CCDC102B: variants seen among roughly 807,000 people sequenced by gnomAD.
CCDC102B encodes coiled-coil domain-containing protein 102B.
In CCDC102B, 75 loss-of-function variants were observed where a neutral mutation model predicts 57.4. The observed-to-expected ratio is 1.31, with a 90% CI of 1.08 to 1.58. CCDC102B has a LOEUF of 1.58. CCDC102B is among the 40% of genes most tolerant of loss of function. The pLI is 0.00. For missense variants in CCDC102B, 636 were observed against 582.6 expected, an observed-to-expected ratio of 1.09 and a Z score of -0.94; for synonymous variants, 206 against 201.9, an observed-to-expected ratio of 1.02 and a Z score of -0.17.
At chr18:68,826,245 G>A (rs907340442) in intron 1 of CCDC102B, among the ~76,000 whole-genome samples, 2 of 152,206 alleles carry the variant, frequency 1.3e-5, no homozygotes, top group Admixed American at 6.5e-5. Context: ...CAGGGAAGGC[G>A]TCAGCCAGAT....
At chr18:69,007,745 A>G (rs1011127551) in intron 6 of CCDC102B, among the ~76,000 whole-genome samples, 3 of 152,232 alleles carry the variant, frequency 2.0e-5, no homozygotes, top group Admixed American at 2.0e-4. Context: ...AGGCCTGAGA[A>G]TAAGTTGATA....
At chr18:68,956,484 A>AAT (rs1236353893) in intron 6 of CCDC102B, among the ~76,000 whole-genome samples, 3 of 47,048 alleles carry the variant, frequency 6.4e-5, no homozygotes, top group South Asian at 6.3e-4. Flanking sequence ...ATATATATAT[A>AAT]ATATATATAT....
chr18:68,720,309 A>G (rs1445224733), intron 2 of CCDC102B, among the ~76,000 whole-genome samples: 1 of 152,224 alleles, frequency 6.6e-6, no homozygotes, highest in East Asian at 1.9e-4. Context: ...TGGATCAAGG[A>G]ATTTTCAGGT....
At chr18:68,964,267 G>C (rs905646370) in intron 6 of CCDC102B, among the ~76,000 whole-genome samples, 16 of 151,772 alleles carry the variant, frequency 1.1e-4, no homozygotes, top group African/African-American at 3.9e-4. Flanking sequence ...TGATCATTTT[G>C]TCACTCAGCC....
chr18:68,811,021 C>T (rs1340551615), intron 1 of CCDC102B, among the ~76,000 whole-genome samples: 1 of 152,128 alleles, frequency 6.6e-6, no homozygotes, highest in Non-Finnish European at 1.5e-5. Flanking sequence ...CTGTAAAGGA[C>T]ATGAACTCAA....
At chr18:68,941,802 A>G (rs2049387365) in intron 6 of CCDC102B, among the ~76,000 whole-genome samples, 1 of 152,142 alleles carries the variant, frequency 6.6e-6, no homozygotes, top group Non-Finnish European at 1.5e-5. Context: ...AATCCAGTAT[A>G]ACAAAAATAA....
chr18:68,820,151 A>G (rs2036637732), intron 1 of CCDC102B, among the ~76,000 whole-genome samples: 1 of 152,082 alleles, frequency 6.6e-6, no homozygotes, highest in Non-Finnish European at 1.5e-5. Flanking sequence ...TTTCGGGGGT[A>G]AAGCTATCAA....
chr18:68,841,727 T>A (rs1437599539), intron 3 of CCDC102B, among the ~76,000 whole-genome samples: 5 of 152,062 alleles, frequency 3.3e-5, no homozygotes, highest in Non-Finnish European at 7.4e-5. Context: ...TATCATTTTA[T>A]CTTTTTTTTC....
chr18:68,789,155 G>T (rs2035331571), intron 2 of CCDC102B, among the ~76,000 whole-genome samples: 1 of 152,046 alleles, frequency 6.6e-6, no homozygotes, highest in South Asian at 2.1e-4. Flanking sequence ...TTGAATATTG[G>T]CCCCCACTCT....
upstream of CCDC102B, among the ~76,000 whole-genome samples, chr18:68,794,765 G>C (rs2035573445): frequency 6.6e-6 from 1 of 152,070 alleles, no homozygotes; most frequent in Non-Finnish European, 1.5e-5. Flanking sequence ...CCATGGTGTC[G>C]ATGTACCCTT....
At chr18:69,050,726 G>T (rs1007316636) in intron 7 of CCDC102B, among the ~76,000 whole-genome samples, 1 of 152,052 alleles carries the variant, frequency 6.6e-6, no homozygotes, top group South Asian at 2.1e-4. Context: ...TGGGAAAACT[G>T]TAATATGAAC....
chr18:68,944,626 C>A (rs1217797757), intron 6 of CCDC102B, among the ~76,000 whole-genome samples: 2 of 114,054 alleles, frequency 1.8e-5, no homozygotes, highest in Non-Finnish European at 3.6e-5. Flanking sequence ...CATACTGACA[C>A]CATCAAACTG....
chr18:68,829,570 A>T (rs1351771883), intron 1 of CCDC102B, among the ~76,000 whole-genome samples: 1 of 152,088 alleles, frequency 6.6e-6, no homozygotes, highest in African/African-American at 2.4e-5. Context: ...GAAGTCTGAG[A>T]AAACTTTCCA....
chr18:68,873,590 G>T (rs1313046434), intron 4 of CCDC102B, among the ~76,000 whole-genome samples: 3 of 151,978 alleles, frequency 2.0e-5, no homozygotes, highest in Non-Finnish European at 4.4e-5. Context: ...GTAGAGGAGG[G>T]ATAATGATAA....
At chr18:68,736,551 AT>A (rs893319968) in intron 2 of CCDC102B, among the ~76,000 whole-genome samples, 9 of 151,162 alleles carry the variant, frequency 6.0e-5, no homozygotes, top group Admixed American at 4.6e-4. Context: ...TTCTTATATA[AT>A]TTTTTAATGT....
chr18:68,963,253 T>C (rs1393864882), intron 6 of CCDC102B, among the ~76,000 whole-genome samples: 1 of 152,002 alleles, frequency 6.6e-6, no homozygotes, highest in South Asian at 2.1e-4. Flanking sequence ...AATGGTTTTA[T>C]GTCCGAATAA....
Position 69,046,502 on chromosome 18 carries a change from CAGAT to C in CCDC102B, c.1435-7527_1435-7524del, listed in dbSNP as rs777616889. On this transcript the variant is annotated intron_variant, in intron 7 of 7. Coordinates refer to ENST00000360242, the MANE Select transcript of CCDC102B (RefSeq NM_024781.3). ...AGCATTCTGGATATTAGACCTTTGT[CAGAT>C]GGATGGTTTGCAAAAAATTTCTCTT... Among the ~76,000 whole-genome samples, 7 of 152,176 alleles carry C rather than the reference CAGAT, an allele frequency of 4.6e-5. No homozygotes were observed. In the South Asian group the frequency reaches 6.2e-4, roughly 14 times the overall value.
intron 2 of CCDC102B, among the ~76,000 whole-genome samples, chr18:68,790,426 A>G (rs1011845014): frequency 8.0e-4 from 122 of 151,560 alleles, no homozygotes; most frequent in African/African-American, 2.8e-3. Context: ...CCCCTCCCCC[A>G]GCCTCGCTGC....
At chr18:68,894,013 A>C (rs1394388433) in intron 5 of CCDC102B, among the ~76,000 whole-genome samples, 1 of 152,032 alleles carries the variant, frequency 6.6e-6, no homozygotes, top group Admixed American at 6.6e-5. Flanking sequence ...CTGCCTTATT[A>C]AACTTCAATT....
Sources: gnomAD v4.1 joint callset for allele counts (sites outside exome capture counted in the v4.1 genomes callset) on GRCh38, gnomAD v4.1.1 for gene constraint, MANE v1.5 for transcripts, NCBI Gene and HGNC (gene_info 2026-07-23, HGNC 2026-07-21) for gene names.